The following SUSD4 variants were observed in gnomAD, a reference collection of about 807,000 sequenced individuals.
SUSD4 encodes the protein sushi domain containing 4, also known as sushi domain-containing protein 4.
A neutral mutation model predicts 50.5 loss-of-function variants in SUSD4; 41 were observed. The observed-to-expected ratio is 0.81, with a 90% CI of 0.63 to 1.05. The LOEUF (loss-of-function observed/expected upper bound fraction) is 1.05, where lower values mean the gene tolerates loss of function less well. SUSD4 is among the 50% of genes least tolerant of loss of function. The probability of loss-of-function intolerance (pLI) is 0.00; values close to 1 mark genes in which losing one functional copy is unlikely to be tolerated. For missense variants in SUSD4, 580 were observed against 634.7 expected (o/e 0.91, Z 0.93); for synonymous variants, 257 against 257.3 (o/e 1.00, Z 0.01).
At chr1:223,266,096 G>T (rs751065956) in intron 4 of SUSD4, among the ~76,000 whole-genome samples, 1 of 152,168 alleles carries the variant, frequency 6.6e-6, no homozygotes. Flanking sequence ...ACTCACTGTC[G>T]TGGTTGGGCA....
At position 223,229,930 on chromosome 1, in the gene SUSD4, G is replaced by A. The variant is rs1376940865; in HGVS notation, c.725-542C>T. Among the ~76,000 whole-genome samples, 1 of 152,178 alleles carries A rather than the reference G, an allele frequency of 6.6e-6. No individual in the cohort carries two copies. The highest frequency in any genetic ancestry group is 2.4e-5 in the African/African-American group (1 of 41,446). ...TTCTAGCTCTGCTTGCAGAGCCAGGGCACAGCCTCCAGGGCAACCAGAGTT... is the reference window on the plus strand; with the variant it reads ...TTCTAGCTCTGCTTGCAGAGCCAGGACACAGCCTCCAGGGCAACCAGAGTT... On this transcript the variant is annotated intron_variant, in intron 5 of 8. Transcript: ENST00000366878. The surrounding 1 kb of genome is among the most constrained non-coding windows in gnomAD (Gnocchi z 4.7).
rs1340545040 is a variant in SUSD4 at position 223,363,374 on chromosome 1, G to C, written c.52C>G (p.Gln18Glu). Residue 18 changes from glutamine to glutamate, a missense_variant, in exon 2 of 9, where the codon CAG (glutamine) becomes GAG (glutamate). Transcript: ENST00000366878. ...SNGDGFLEQQQQQQQPQSPQR... is the reference protein window; with the variant it reads ...SNGDGFLEQQEQQQQPQSPQR... ...GGGGACTGAGGTTGCTGCTGCTGCTGCTGCTGCTCTAGAAATCCATCTCCA... is the reference window on the plus strand; with the variant it reads ...GGGGACTGAGGTTGCTGCTGCTGCTCCTGCTGCTCTAGAAATCCATCTCCA... 1.3e-6 allele frequency: 2 copies of C among 1,596,028 alleles called. No homozygotes were observed. Among genetic ancestry groups the C allele is most frequent in the South Asian group, 1.1e-5 (1 of 87,956 alleles).
At chr1:223,282,852 A>G (rs1663846376) in intron 3 of SUSD4, among the ~76,000 whole-genome samples, 1 of 152,230 alleles carries the variant, frequency 6.6e-6, no homozygotes, top group Admixed American at 6.5e-5. Flanking sequence ...CTACAAGGCT[A>G]CAGTAACCAA....
intron 3 of SUSD4, among the ~76,000 whole-genome samples, chr1:223,271,272 T>C (rs1391442193): frequency 2.0e-5 from 3 of 152,204 alleles, no homozygotes; most frequent in African/African-American, 7.2e-5. Flanking sequence ...CACGTGGACA[T>C]TGGCTGGCTG....
chr1:223,306,962 T>TTTTTG (rs1553302237), intron 2 of SUSD4, among the ~76,000 whole-genome samples: 1 of 149,108 alleles, frequency 6.7e-6, no homozygotes, highest in Non-Finnish European at 1.5e-5. Context: ...TTTTTTTTTT[T>TTTTTG]GGGGGGGGGT....
At chr1:223,274,171 C>T (rs1349770200) in intron 3 of SUSD4, among the ~76,000 whole-genome samples, 1 of 152,174 alleles carries the variant, frequency 6.6e-6, no homozygotes, top group Non-Finnish European at 1.5e-5. Flanking sequence ...AACTGTCATT[C>T]CAGCACAGCT....
intron 2 of SUSD4, among the ~76,000 whole-genome samples, chr1:223,315,508 C>G (rs1481038569): frequency 3.3e-5 from 5 of 152,228 alleles, no homozygotes; most frequent in Admixed American, 1.3e-4. Flanking sequence ...CACCCACAAG[C>G]AGACTCCCTG....
chr1:223,364,816 G>T (rs1461341755), upstream of SUSD4, among the ~76,000 whole-genome samples: 1 of 152,056 alleles, frequency 6.6e-6, no homozygotes, highest in African/African-American at 2.4e-5. The surrounding 1 kb of genome is among the most constrained non-coding windows in gnomAD (Gnocchi z 4.5). Context: ...CCAATTGCCC[G>T]AGTCTCTTAA....
intron 2 of SUSD4, among the ~76,000 whole-genome samples, chr1:223,354,396 T>C (rs560933305): frequency 6.7e-6 from 1 of 149,216 alleles, no homozygotes; most frequent in African/African-American, 2.5e-5. Flanking sequence ...AACGGAAGAA[T>C]GATAGAAAAA....
intron 2 of SUSD4, among the ~76,000 whole-genome samples, chr1:223,344,057 G>A (rs1667902409): frequency 6.6e-6 from 1 of 152,188 alleles, no homozygotes; most frequent in African/African-American, 2.4e-5. Flanking sequence ...TAAATAGCTA[G>A]ATTCCCAAAA....
At chr1:223,338,179 T>C (rs1667557571) in intron 2 of SUSD4, among the ~76,000 whole-genome samples, 1 of 152,218 alleles carries the variant, frequency 6.6e-6, no homozygotes, top group Admixed American at 6.5e-5. Context: ...GAGACACAAA[T>C]TAACCATCGC....
At chr1:223,237,393 G>C (rs1118312) in intron 5 of SUSD4, among the ~76,000 whole-genome samples, 2 of 151,814 alleles carry the variant, frequency 1.3e-5, no homozygotes, top group African/African-American at 4.8e-5. Flanking sequence ...ATGCTGAAAC[G>C]GAGTGATGAG....
Position 223,322,210 on chromosome 1 carries a change from G to A in SUSD4, c.149-29559C>T, listed in dbSNP as rs1311586696. Among the ~76,000 whole-genome samples the A allele has an allele frequency of 5.9e-5, 9 of 152,354 alleles. No homozygotes were observed. In the East Asian group the frequency reaches 1.7e-3, roughly 29 times the overall value. ...ATATCTGTGACTCCTACAGGTGACA[G>A]AGTCACAGGTACTGCTCAGCTTACT... On this transcript the variant is annotated intron_variant, in intron 2 of 8. Transcript: ENST00000366878.
At chr1:223,349,392 C>T (rs1668228772) in intron 2 of SUSD4, among the ~76,000 whole-genome samples, 1 of 152,162 alleles carries the variant, frequency 6.6e-6, no homozygotes. Flanking sequence ...TGGGGCACCA[C>T]TTGCAATTGA....
intron 2 of SUSD4, among the ~76,000 whole-genome samples, chr1:223,297,598 G>A (rs951213974): frequency 6.6e-6 from 1 of 152,124 alleles, no homozygotes; most frequent in Non-Finnish European, 1.5e-5. Context: ...CATCATCCAG[G>A]ACACAGCTGA....
intron 5 of SUSD4, among the ~76,000 whole-genome samples, chr1:223,256,662 G>A (rs1020528952): frequency 2.6e-5 from 4 of 152,182 alleles, no homozygotes; most frequent in Admixed American, 2.6e-4. Flanking sequence ...GCCTCTCTGA[G>A]AACAGTGTGA....
chr1:223,272,904 G>A (rs1400961), intron 3 of SUSD4, among the ~76,000 whole-genome samples: 59,313 of 152,024 alleles, frequency 0.39, 11,764 homozygotes, highest in Non-Finnish European at 0.43. Flanking sequence ...ACTTGCATGG[G>A]AGAAGACTGC....
chr1:223,223,266 C>G lies in SUSD4; in HGVS notation c.1427G>C (p.Gly476Ala). The G allele has an allele frequency of 1.9e-6, 3 of 1,548,922 alleles. No individual in the cohort carries two copies. The highest frequency in any genetic ancestry group is 2.6e-6 in the Non-Finnish European group (3 of 1,151,306). The change falls in exon 8 of 9, where the codon GGC becomes GCC. Residue 476 changes from glycine to alanine, a missense_variant. Coordinates refer to ENST00000366878, the MANE Select transcript of SUSD4 (RefSeq NM_017982.4). ...GCACTTACCATCTGCAATGTCGATG[C>G]CTGGGCTGGTGGATGCCACCTCCTC... ...TAEEVASTSP[G>A]IDIADEIPLM...
At chr1:223,296,130 G>A (rs1664809232) in intron 2 of SUSD4, among the ~76,000 whole-genome samples, 1 of 152,128 alleles carries the variant, frequency 6.6e-6, no homozygotes, top group Non-Finnish European at 1.5e-5. Flanking sequence ...TTTGAGAACT[G>A]TGGAATTTCA....
Sources: allele counts gnomAD v4.1 joint callset (sites outside exome capture counted in the v4.1 genomes callset), GRCh38; gene constraint gnomAD v4.1.1; non-coding constraint Gnocchi (gnomAD v3.1); transcripts MANE v1.5; gene names NCBI Gene and HGNC (gene_info 2026-07-23, HGNC 2026-07-21).